The following MORN3 variants were observed in gnomAD, a reference collection of about 807,000 sequenced individuals.
The protein encoded by MORN3 is MORN repeat containing 3.
MORN3 carries 38 observed loss-of-function variants against 34.7 expected under a neutral mutation model. The observed-to-expected ratio is 1.10, with a 90% CI of 0.85 to 1.44. MORN3 has a LOEUF of 1.44. Ranked by LOEUF, MORN3 falls within the 40% of genes most tolerant of loss-of-function variation. The pLI is 0.00. For missense variants in MORN3, 311 were observed against 321.7 expected, an observed-to-expected ratio of 0.97 and a Z score of 0.25; for synonymous variants, 109 against 115.3, an observed-to-expected ratio of 0.95 and a Z score of 0.35.
intron 1 of MORN3, among the ~76,000 whole-genome samples, chr12:121,668,558 A>C (rs1222787807): frequency 2.0e-5 from 3 of 152,020 alleles, no homozygotes; most frequent in Non-Finnish European, 4.4e-5. Flanking sequence ...TAAAAAGAGC[A>C]CAGAATCTAG....
rs533091685 is a variant in MORN3 at position 121,652,436 on chromosome 12, G to A, written c.*6+292C>T. Among the ~76,000 whole-genome samples, 21 of 152,200 alleles carry A rather than the reference G, an allele frequency of 1.4e-4. 1 individual carries two copies. The highest frequency in any genetic ancestry group is 2.6e-4 in the Non-Finnish European group (18 of 68,014). On this transcript the variant is annotated intron_variant, in intron 5 of 5. Coordinates refer to ENST00000355329, the MANE Select transcript of MORN3 (RefSeq NM_173855.5). ...TTTAGTAGAGATGGGGTTTCACCAT[G>A]TTGGCCAGGCTGGTCTCAAATTCCT...
intron 1 of MORN3, among the ~76,000 whole-genome samples, chr12:121,662,131 C>T (rs1893602819): frequency 1.3e-5 from 2 of 151,920 alleles, no homozygotes; most frequent in African/African-American, 4.8e-5. Flanking sequence ...TGGAGATGTT[C>T]TGTCAAAGGG....
At chr12:121,655,560 A>G (rs1192211297) in intron 2 of MORN3, among the ~76,000 whole-genome samples, 1 of 151,634 alleles carries the variant, frequency 6.6e-6, no homozygotes, top group Non-Finnish European at 1.5e-5. Flanking sequence ...AAATATAAAA[A>G]ATTAGCTGAG....
rs777644514 is a variant in MORN3, at chr12:121,659,365, G to A, written c.146-17C>T. 6.2e-7 allele frequency: 1 copy of A among 1,612,684 alleles called. No individual in the cohort carries two copies. Among genetic ancestry groups the A allele is most frequent in the East Asian group, 2.2e-5 (1 of 44,830 alleles). On this transcript the variant is annotated splice_polypyrimidine_tract_variant and intron_variant, in intron 1 of 5. Coordinates refer to ENST00000355329, the MANE Select transcript of MORN3 (RefSeq NM_173855.5). ...TTCCTTTCCCTGGTGACACACAGAT[G>A]GGCAATGCTGCAGACATGGCCGCCG...
At chr12:121,671,596 G>A (rs1261765110), upstream of MORN3, among the ~76,000 whole-genome samples, 1 of 150,482 alleles carries the variant, frequency 6.6e-6, no homozygotes, top group East Asian at 2.0e-4. Flanking sequence ...ATAGGAATTA[G>A]CAAGGCCGGG....
chr12:121,658,640 G>A (rs1241800877), intron 2 of MORN3, among the ~76,000 whole-genome samples: 5 of 151,388 alleles, frequency 3.3e-5, no homozygotes, highest in Non-Finnish European at 4.4e-5. Context: ...TTGCAATACT[G>A]TTTATTATTA....
intron 2 of MORN3, among the ~76,000 whole-genome samples, chr12:121,656,654 G>T (rs1362480693): frequency 6.6e-6 from 1 of 151,994 alleles, no homozygotes; most frequent in Non-Finnish European, 1.5e-5. Flanking sequence ...TGGGACTACA[G>T]GTACACACCA....
rs1293231483 is a variant in MORN3 at position 121,659,173 on chromosome 12, G to T, written c.303+18C>A. On this transcript the variant is annotated intron_variant, in intron 2 of 5. Transcript: ENST00000355329. ...CACACACACACACACACACACCCCG[G>T]CTGGCAGGCCTGCTCACCGATTTCT... is the stretch of plus-strand genomic sequence containing the variant. 7 of 1,574,576 alleles carry T rather than the reference G, an allele frequency of 4.4e-6. No individual in the cohort carries two copies. Among genetic ancestry groups the T allele is most frequent in the Non-Finnish European group, 6.1e-6 (7 of 1,155,158 alleles).
chr12:121,653,106 G>A lies in MORN3; in HGVS notation c.617C>T (p.Ala206Val), dbSNP rs1555325271. ...AATGGGGAACTGAGTGGGCTCAGGG[G>A]CCTCGTCACGGCCAAAGTCGATCAT... ...GTMIDFGRDE[A>V]PEPTQFPIPE... The change falls in exon 4 of 6, where the codon GCC becomes GTC. Residue 206 changes from alanine (A) to valine (V), a missense_variant. Ala to Val is a moderately conservative substitution (Grantham distance 64). Transcript: ENST00000355329. 1 of 1,613,578 alleles carries A rather than the reference G, an allele frequency of 6.2e-7. No individual in the cohort carries two copies. The highest frequency in any genetic ancestry group is 8.5e-7 in the Non-Finnish European group (1 of 1,179,866).
chr12:121,667,736 T>G (rs1227582325), intron 1 of MORN3, among the ~76,000 whole-genome samples: 6 of 151,738 alleles, frequency 4.0e-5, no homozygotes, highest in Admixed American at 3.9e-4. Flanking sequence ...TTTTCTTTTT[T>G]TTTTGGAGAC....
At chr12:121,659,862 G>C (rs188668104) in intron 1 of MORN3, among the ~76,000 whole-genome samples, 9 of 151,712 alleles carry the variant, frequency 5.9e-5, no homozygotes, top group African/African-American at 4.8e-5. Context: ...GATTAGTGTC[G>C]CATGCCTGTC....
At chr12:121,652,703 CT>C in intron 5 of MORN3, 24 bp downstream of exon 5, 1 of 1,609,654 alleles carries the variant, frequency 6.2e-7, no homozygotes, top group Non-Finnish European at 8.5e-7. Context: ...CACATCAGAA[CT>C]TGGCAGGTGT....
chr12:121,671,112 C>CAA (rs373837950), upstream of MORN3, among the ~76,000 whole-genome samples: 160 of 86,800 alleles, frequency 1.8e-3, no homozygotes, highest in South Asian at 0.024. Flanking sequence ...GACTCTGTCT[C>CAA]AAAAAAAAAA....
chr12:121,653,636 T>C (rs1233221507), intron 3 of MORN3, among the ~76,000 whole-genome samples: 1 of 151,926 alleles, frequency 6.6e-6, no homozygotes, highest in Non-Finnish European at 1.5e-5. Context: ...GCCTCCTGAG[T>C]AGCTGGGATT....
At chr12:121,653,322 T>C (rs1465129728) in intron 3 of MORN3, 63 bp from the exon 4 acceptor site, 2 of 1,538,234 alleles carry the variant, frequency 1.3e-6, no homozygotes, top group African/African-American at 2.8e-5. Flanking sequence ...CCCCCAGGGG[T>C]CGCTCTTCCA....
intron 5 of MORN3, among the ~76,000 whole-genome samples, chr12:121,652,061 G>A (rs1253424692): frequency 6.6e-6 from 1 of 151,464 alleles, no homozygotes; most frequent in African/African-American, 2.4e-5. Context: ...TCAGCCTCCT[G>A]AGTAGCTGGA....
At chr12:121,654,565 G>A in intron 2 of MORN3, 132 bp from the exon 3 acceptor site, 2 of 986,002 alleles carry the variant, frequency 2.0e-6, no homozygotes, top group East Asian at 2.8e-5. Flanking sequence ...TCCAAGCGGA[G>A]GGTCGTGTCT....
At chr12:121,662,127 T>A (rs1893602745) in intron 1 of MORN3, among the ~76,000 whole-genome samples, 1 of 151,936 alleles carries the variant, frequency 6.6e-6, no homozygotes, top group Admixed American at 6.6e-5. Context: ...AATGTGGAGA[T>A]GTTCTGTCAA....
At chr12:121,661,756 A>G (rs2063185256) in intron 1 of MORN3, among the ~76,000 whole-genome samples, 2 of 151,984 alleles carry the variant, frequency 1.3e-5, no homozygotes, top group South Asian at 4.1e-4. Flanking sequence ...CTTGCCTGTA[A>G]TCCCAGCTAC....
Sources: allele counts gnomAD v4.1 joint callset (sites outside exome capture counted in the v4.1 genomes callset), GRCh38; gene constraint gnomAD v4.1.1; transcripts MANE v1.5; gene names NCBI Gene and HGNC (gene_info 2026-07-23, HGNC 2026-07-21).